NKAIN3: variants seen among roughly 807,000 people sequenced by gnomAD.
NKAIN3 encodes the protein sodium/potassium transporting ATPase interacting 3.
Under a neutral mutation model 30.2 loss-of-function variants are expected in NKAIN3, and 25 were observed. That is an observed-to-expected ratio of 0.83 (90% CI 0.60 to 1.16). NKAIN3 has a LOEUF of 1.16. Ranked by LOEUF, NKAIN3 falls within the 50% of genes most tolerant of loss-of-function variation. NKAIN3 has a pLI of 0.00. For missense variants in NKAIN3, 225 were observed against 254.1 expected, an observed-to-expected ratio of 0.89 and a Z score of 0.78; for synonymous variants, 91 against 89.6, an observed-to-expected ratio of 1.02 and a Z score of -0.09.
chr8:62,724,844 G>A (rs149770096), intron 3 of NKAIN3, among the ~76,000 whole-genome samples: 1 of 152,244 alleles, frequency 6.6e-6, no homozygotes, highest in Non-Finnish European at 1.5e-5. Context: ...AAACATAGGA[G>A]TGCAGATATC....
intron 4 of NKAIN3, among the ~76,000 whole-genome samples, chr8:62,794,993 G>A (rs1392407052): frequency 2.6e-5 from 4 of 152,060 alleles, no homozygotes; most frequent in African/African-American, 9.7e-5. Context: ...ACCTGTGTGT[G>A]TATATCATGG....
At chr8:62,255,122 A>G (rs1293493330) in intron 1 of NKAIN3, among the ~76,000 whole-genome samples, 1 of 152,238 alleles carries the variant, frequency 6.6e-6, no homozygotes, top group Non-Finnish European at 1.5e-5. Context: ...TGAAGCCATT[A>G]ATTTCTTATG....
intron 1 of NKAIN3, among the ~76,000 whole-genome samples, chr8:62,544,493 T>G (rs971456213): frequency 1.3e-5 from 2 of 152,164 alleles, no homozygotes; most frequent in Non-Finnish European, 2.9e-5. Context: ...ACTTTAAAAC[T>G]TTATATTTAC....
chr8:62,990,214 G>A (rs751960031), intron 5 of NKAIN3: 3 of 1,548,362 alleles, frequency 1.9e-6, no homozygotes, highest in Admixed American at 3.7e-5. Flanking sequence ...TCCAGATGCT[G>A]CAAATTATTG....
At chr8:62,527,921 G>A (rs1263435882) in intron 1 of NKAIN3, among the ~76,000 whole-genome samples, 1 of 147,624 alleles carries the variant, frequency 6.8e-6, no homozygotes, top group Admixed American at 6.6e-5. Flanking sequence ...GTGTGTGACA[G>A]AGAGACAGAG....
chr8:62,690,591 G>T (rs1238679291), intron 3 of NKAIN3, among the ~76,000 whole-genome samples: 1 of 152,188 alleles, frequency 6.6e-6, no homozygotes, highest in African/African-American at 2.4e-5. Context: ...AGTCAGTCTG[G>T]CTGGCAGCAC....
At chr8:62,618,775 G>C (rs1244597605) in intron 3 of NKAIN3, among the ~76,000 whole-genome samples, 1 of 151,996 alleles carries the variant, frequency 6.6e-6, no homozygotes, top group Non-Finnish European at 1.5e-5. Flanking sequence ...GCATGGTGGT[G>C]GGCATCTATA....
chr8:62,730,731 A>G (rs1325552807), intron 3 of NKAIN3, among the ~76,000 whole-genome samples: 1 of 152,176 alleles, frequency 6.6e-6, no homozygotes. Flanking sequence ...GAAGACTTTT[A>G]CCTCATCAAC....
intron 3 of NKAIN3, among the ~76,000 whole-genome samples, chr8:62,677,029 T>A (rs1295365350): frequency 6.6e-6 from 1 of 152,154 alleles, no homozygotes; most frequent in Non-Finnish European, 1.5e-5. Context: ...AATATAGAAA[T>A]TTTTAAGTAT....
At chr8:62,643,495 G>C (rs1312488241) in intron 3 of NKAIN3, among the ~76,000 whole-genome samples, 7 of 152,088 alleles carry the variant, frequency 4.6e-5, no homozygotes, top group Non-Finnish European at 1.5e-5. Flanking sequence ...CAAGAGTCAA[G>C]CTTTGATCCT....
chr8:62,711,918 T>A (rs1012966991), intron 3 of NKAIN3, among the ~76,000 whole-genome samples: 5 of 152,230 alleles, frequency 3.3e-5, no homozygotes, highest in African/African-American at 1.2e-4. Flanking sequence ...GATTATTTTG[T>A]CCCACGGGGT....
chr8:62,610,304 C>T (rs1811249505), intron 3 of NKAIN3, among the ~76,000 whole-genome samples: 2 of 151,162 alleles, frequency 1.3e-5, no homozygotes, highest in East Asian at 2.0e-4. Context: ...AAGATCATAC[C>T]ATTGCACCCC....
At chr8:62,988,823 C>T (rs7002752), downstream of NKAIN3, among the ~76,000 whole-genome samples, 1,753 of 152,346 alleles carry the variant, frequency 0.012, 30 homozygotes, top group African/African-American at 0.04. Flanking sequence ...TCAATTTCTT[C>T]CCAGAAAATG....
chr8:62,994,556 GTTCA>G (rs202064359), intron 5 of NKAIN3, among the ~76,000 whole-genome samples: 4 of 152,106 alleles, frequency 2.6e-5, no homozygotes, highest in African/African-American at 4.8e-5. Context: ...GACACTTCAA[GTTCA>G]TTCATTCATT....
intron 1 of NKAIN3, among the ~76,000 whole-genome samples, chr8:62,535,606 T>C (rs1039811393): frequency 1.1e-4 from 17 of 152,150 alleles, no homozygotes; most frequent in African/African-American, 3.6e-4. Flanking sequence ...ATTTGCTGAT[T>C]TATTATAAAA....
intron 1 of NKAIN3, among the ~76,000 whole-genome samples, chr8:62,454,780 T>C (rs1042518469): frequency 6.6e-6 from 1 of 152,158 alleles, no homozygotes; most frequent in Non-Finnish European, 1.5e-5. Context: ...AAGGGAAAAA[T>C]AGTCAAATAC....
chr8:62,901,455 G>C (rs963807531), intron 4 of NKAIN3, among the ~76,000 whole-genome samples: 1 of 152,134 alleles, frequency 6.6e-6, no homozygotes, highest in African/African-American at 2.4e-5. Context: ...AAAAAGAAGA[G>C]AGAGAGAGTG....
chr8:62,666,504 A>AT (rs1176536741), intron 3 of NKAIN3, among the ~76,000 whole-genome samples: 2 of 152,178 alleles, frequency 1.3e-5, no homozygotes, highest in Non-Finnish European at 2.9e-5. Context: ...ATGAAGGAAG[A>AT]TTATGTATGC....
At chr8:62,394,953 G>A (rs1260664346) in intron 1 of NKAIN3, among the ~76,000 whole-genome samples, 1 of 146,694 alleles carries the variant, frequency 6.8e-6, no homozygotes, top group African/African-American at 2.5e-5. Context: ...GGGCAGCCAA[G>A]CAGAGGCGCT....
Sources: gnomAD v4.1 joint callset for allele counts (sites outside exome capture counted in the v4.1 genomes callset) on GRCh38, gnomAD v4.1.1 for gene constraint, MANE v1.5 for transcripts, NCBI Gene and HGNC (gene_info 2026-07-23, HGNC 2026-07-21) for gene names.